Variants in RBMS1 observed in about 807,000 individuals in gnomAD.
RBMS1 encodes the protein RNA-binding motif, single-stranded-interacting protein 1.
Under a neutral mutation model 62.3 loss-of-function variants are expected in RBMS1, and 17 were observed. The observed-to-expected ratio is 0.27, with a 90% CI of 0.19 to 0.41. The LOEUF (loss-of-function observed/expected upper bound fraction) is 0.41, where lower values mean the gene tolerates loss of function less well. RBMS1 is among the 10% of genes least tolerant of loss of function. The pLI is 1.00. For missense variants in RBMS1, 334 were observed against 504.5 expected, an observed-to-expected ratio of 0.66 and a Z score of 3.24; for synonymous variants, 172 against 170.0, an observed-to-expected ratio of 1.01 and a Z score of -0.09.
chr2:160,490,593 A>G (rs1405756562), intron 1 of RBMS1, among the ~76,000 whole-genome samples: 2 of 152,174 alleles, frequency 1.3e-5, no homozygotes, highest in Admixed American at 1.3e-4. Flanking sequence ...AGTAACTAGT[A>G]TGTTTTTATG....
chr2:160,492,141 C>T (rs867988314), intron 1 of RBMS1, among the ~76,000 whole-genome samples: 2 of 152,186 alleles, frequency 1.3e-5, no homozygotes, highest in Non-Finnish European at 1.5e-5. Flanking sequence ...ATTACAACCT[C>T]CCAAAGAAAG....
intron 3 of RBMS1, among the ~76,000 whole-genome samples, chr2:160,316,430 G>A (rs1690223353): frequency 6.6e-6 from 1 of 152,116 alleles, no homozygotes; most frequent in African/African-American, 2.4e-5. Flanking sequence ...GAGACTTCTT[G>A]TATCTAAAAT....
At chr2:160,476,615 C>T (rs4664016) in intron 1 of RBMS1, among the ~76,000 whole-genome samples, 39,640 of 137,998 alleles carry the variant, frequency 0.29, 6,096 homozygotes, top group East Asian at 0.6. Flanking sequence ...AGTGCAGTGG[C>T]GGGATCTCGG....
chr2:160,473,807 TCTC>T (rs1473020232), intron 1 of RBMS1, among the ~76,000 whole-genome samples: 2 of 152,204 alleles, frequency 1.3e-5, no homozygotes, highest in African/African-American at 4.8e-5. Flanking sequence ...TTTGACTACT[TCTC>T]CTCTATTACT....
intron 2 of RBMS1, among the ~76,000 whole-genome samples, chr2:160,350,489 C>A (rs886106115): frequency 2.0e-5 from 3 of 151,950 alleles, no homozygotes; most frequent in Admixed American, 1.3e-4. Context: ...GAAAGACTCA[C>A]AACAGATATA....
At chr2:160,345,434 AGGAG>A in intron 2 of RBMS1, among the ~76,000 whole-genome samples, 1 of 145,584 alleles carries the variant, frequency 6.9e-6, no homozygotes, top group Non-Finnish European at 1.5e-5. Context: ...GATGAAAGTG[AGGAG>A]ACCTGAAGTA....
intron 2 of RBMS1, among the ~76,000 whole-genome samples, chr2:160,346,834 C>T (rs889653340): frequency 6.6e-6 from 1 of 152,102 alleles, no homozygotes; most frequent in Non-Finnish European, 1.5e-5. Context: ...CTTAAAGCTA[C>T]CTTCCAAAAT....
chr2:160,358,452 C>T (rs993983779), intron 2 of RBMS1, among the ~76,000 whole-genome samples: 1 of 152,096 alleles, frequency 6.6e-6, no homozygotes, highest in Non-Finnish European at 1.5e-5. Context: ...ATGTGTCATC[C>T]TATTATGCTA....
At chr2:160,451,340 G>A (rs1367860110) in intron 1 of RBMS1, among the ~76,000 whole-genome samples, 1 of 152,074 alleles carries the variant, frequency 6.6e-6, no homozygotes, top group African/African-American at 2.4e-5. Flanking sequence ...TAACCCTGAT[G>A]AGTGTTCACC....
intron 1 of RBMS1, among the ~76,000 whole-genome samples, chr2:160,384,011 C>A (rs904123135): frequency 2.0e-5 from 3 of 152,164 alleles, no homozygotes; most frequent in African/African-American, 7.2e-5. Context: ...TCCTGGCTAA[C>A]ACAGTGAAAC....
intron 2 of RBMS1, among the ~76,000 whole-genome samples, chr2:160,331,256 C>G (rs955506476): frequency 6.6e-6 from 1 of 152,190 alleles, no homozygotes; most frequent in African/African-American, 2.4e-5. Context: ...TATCGCTATA[C>G]AGGTCCCTGT....
chr2:160,336,779 A>G (rs1691596127), intron 2 of RBMS1, among the ~76,000 whole-genome samples: 1 of 152,172 alleles, frequency 6.6e-6, no homozygotes, highest in East Asian at 1.9e-4. Context: ...CAAGCACTCA[A>G]TAGCCACATG....
chr2:160,490,104 A>G (rs1685758846), intron 1 of RBMS1, among the ~76,000 whole-genome samples: 2 of 152,146 alleles, frequency 1.3e-5, no homozygotes, highest in Admixed American at 6.5e-5. Flanking sequence ...AAAATATGTT[A>G]GATTATCAAC....
At chr2:160,343,744 G>A (rs1692021627) in intron 2 of RBMS1, among the ~76,000 whole-genome samples, 1 of 152,062 alleles carries the variant, frequency 6.6e-6, no homozygotes, top group African/African-American at 2.4e-5. Flanking sequence ...AATTAGAGTG[G>A]AGCCCCTTTT....
intron 2 of RBMS1, among the ~76,000 whole-genome samples, chr2:160,334,371 T>A (rs1294761069): frequency 1.3e-5 from 2 of 152,200 alleles, no homozygotes; most frequent in Non-Finnish European, 2.9e-5. Context: ...GACAAAGTTT[T>A]AAAAGTACTG....
intron 1 of RBMS1, among the ~76,000 whole-genome samples, chr2:160,480,621 C>T (rs62175962): frequency 0.026 from 3,887 of 152,208 alleles, 69 homozygotes; most frequent in Middle Eastern, 0.061. Flanking sequence ...GTTAATATAT[C>T]AATTCTCCCC....
rs755581686 is a variant in RBMS1, at chr2:160,287,090, T to C, written c.641-6A>G. On this transcript the variant is annotated splice_region_variant and splice_polypyrimidine_tract_variant and intron_variant, in intron 6 of 13. Transcript: ENST00000348849. ...CAATAAAGGTTCTGTGGGGGCTAAGTAAACAGAGAAAAATAAAATGAAACC... is the reference window on the plus strand; with the variant it reads ...CAATAAAGGTTCTGTGGGGGCTAAGCAAACAGAGAAAAATAAAATGAAACC... 4.3e-6 allele frequency: 7 copies of C among 1,613,720 alleles called. No individual in the cohort carries two copies. The highest frequency in any genetic ancestry group is 5.9e-6 in the Non-Finnish European group (7 of 1,179,938).
At position 160,317,941 on chromosome 2, in the gene RBMS1, C is replaced by T. The variant is rs562439781; in HGVS notation, c.310+228G>A. 1.4e-4 allele frequency among the ~76,000 whole-genome samples: 22 copies of T among 152,204 alleles called. 1 individual carries two copies. Among genetic ancestry groups the T allele is most frequent in the Admixed American group, 9.2e-4 (14 of 15,290 alleles). On this transcript the variant is annotated intron_variant, in intron 3 of 13. Coordinates refer to ENST00000348849, the MANE Select transcript of RBMS1 (RefSeq NM_016836.4). Reference sequence around the variant, plus strand: ...TTTTGCATGTTAACTCTACTGGCGTCAAATCTGGAATTCTGGCAAACTGCT... The same window carrying T: ...TTTTGCATGTTAACTCTACTGGCGTTAAATCTGGAATTCTGGCAAACTGCT...
chr2:160,475,465 T>G (rs560473387), intron 1 of RBMS1, among the ~76,000 whole-genome samples: 1 of 152,352 alleles, frequency 6.6e-6, no homozygotes, highest in East Asian at 1.9e-4. Flanking sequence ...CCCCCAGCAC[T>G]GGGCTTCCCC....
Sources: allele counts gnomAD v4.1 joint callset (sites outside exome capture counted in the v4.1 genomes callset), GRCh38; gene constraint gnomAD v4.1.1; transcripts MANE v1.5; gene names NCBI Gene and HGNC (gene_info 2026-07-23, HGNC 2026-07-21).